Variants in DOCK9 observed in about 807,000 individuals in gnomAD.
DOCK9 encodes the protein dedicator of cytokinesis 9.
A neutral mutation model predicts 263.3 loss-of-function variants in DOCK9; 89 were observed. That is an observed-to-expected ratio of 0.34 (90% CI 0.28 to 0.40). The LOEUF is 0.40. DOCK9 is among the 10% of genes least tolerant of loss of function. The pLI is 1.00. For synonymous variants in DOCK9, 976 were observed against 973.1 expected (o/e 1.00, Z -0.06); for missense variants, 2,140 against 2,603.4 (o/e 0.82, Z 3.87).
chr13:99,026,218 C>T (rs1225327111), intron 1 of DOCK9, among the ~76,000 whole-genome samples: 1 of 152,022 alleles, frequency 6.6e-6, no homozygotes, highest in Admixed American at 6.6e-5. Flanking sequence ...GATGGATGCA[C>T]AACTCTGAAT....
At chr13:98,839,229 C>T (rs113498678) in intron 38 of DOCK9, among the ~76,000 whole-genome samples, 5,964 of 152,268 alleles carry the variant, frequency 0.039, 362 homozygotes, top group African/African-American at 0.13. Flanking sequence ...TAACACATCT[C>T]GCACCATGCT....
At chr13:98,888,811 A>C (rs374131311) in intron 15 of DOCK9, 100 bp from the exon 16 acceptor site, 2 of 1,042,548 alleles carry the variant, frequency 1.9e-6, no homozygotes. Flanking sequence ...CAAGCCATAA[A>C]GACAATTTTA....
chr13:98,844,365 T>TA (rs1383325372), intron 38 of DOCK9, among the ~76,000 whole-genome samples: 1 of 138,742 alleles, frequency 7.2e-6, no homozygotes, highest in Non-Finnish European at 1.6e-5. Flanking sequence ...ATTTTTTATT[T>TA]TTTTTATTTT....
intron 1 of DOCK9, chr13:99,015,810 TAA>T: frequency 7.8e-7 from 1 of 1,277,968 alleles, no homozygotes; most frequent in East Asian, 3.0e-5. Context: ...ACTCCGAGTG[TAA>T]AACAGGAGGG....
In DOCK9 at chr13:98,880,635, T is replaced by A; in HGVS notation, c.2783A>T (p.Tyr928Phe). 6.2e-7 allele frequency: 1 copy of A among 1,613,906 alleles called. No individual in the cohort carries two copies. The highest frequency in any genetic ancestry group is 8.5e-7 in the Non-Finnish European group (1 of 1,179,854). ...GGTCAGTTCTTCATGCACTGTCTTG[T>A]ATTCAGAGGCAACATATGGCTCAGC... ...YKAEPYVASE[Y>F]KTVHEELTKS... The change falls in exon 26 of 53, where the codon TAC (tyrosine) becomes TTC (phenylalanine). Residue 928 changes from tyrosine to phenylalanine, a missense_variant. Tyr to Phe is a conservative substitution (Grantham distance 22, BLOSUM62 3). This residue lies in a region of DOCK9 where 1,521 missense variants were observed against 1,741.7 expected (regional missense o/e 0.87). Transcript: ENST00000682017.
At chr13:98,962,073 C>A (rs2058696470) in intron 1 of DOCK9, among the ~76,000 whole-genome samples, 1 of 152,142 alleles carries the variant, frequency 6.6e-6, no homozygotes, top group Admixed American at 6.5e-5. Context: ...CTTTTCTAAA[C>A]TCTCAATAAT....
chr13:98,877,362 T>A (rs1387677392), intron 27 of DOCK9, among the ~76,000 whole-genome samples: 2 of 152,250 alleles, frequency 1.3e-5, no homozygotes, highest in Non-Finnish European at 2.9e-5. Flanking sequence ...ACTTATTTTC[T>A]AATGCAATTC....
At chr13:99,023,223 A>G (rs1465647933) in intron 1 of DOCK9, among the ~76,000 whole-genome samples, 1 of 152,260 alleles carries the variant, frequency 6.6e-6, no homozygotes, top group Non-Finnish European at 1.5e-5. Flanking sequence ...AAGGGGCGAA[A>G]GCAACTGAAG....
intron 38 of DOCK9, among the ~76,000 whole-genome samples, chr13:98,839,417 T>C (rs931816538): frequency 3.3e-5 from 5 of 152,340 alleles, no homozygotes; most frequent in Middle Eastern, 3.4e-3. Context: ...AACAGGTCGA[T>C]GATGACTGTT....
At chr13:98,966,315 G>C (rs1344476067) in intron 1 of DOCK9, among the ~76,000 whole-genome samples, 1 of 152,232 alleles carries the variant, frequency 6.6e-6, no homozygotes, top group African/African-American at 2.4e-5. Flanking sequence ...AGGGTAAAAG[G>C]GGAACACAGC....
chr13:98,997,910 C>T (rs1261102463), intron 1 of DOCK9, among the ~76,000 whole-genome samples: 1 of 152,208 alleles, frequency 6.6e-6, no homozygotes, highest in Non-Finnish European at 1.5e-5. Flanking sequence ...CCACCCTTGA[C>T]CAACACAGCA....
At chr13:98,906,359 G>A (rs1566928339) in intron 9 of DOCK9, among the ~76,000 whole-genome samples, 1 of 152,148 alleles carries the variant, frequency 6.6e-6, no homozygotes. Context: ...GGCTGGAGAT[G>A]AAGGATTTGG....
At position 98,794,734 on chromosome 13, in the gene DOCK9, C is replaced by T. The variant is rs1265508916; in HGVS notation, c.6171G>A (p.Glu2057=). The T allele has an allele frequency of 6.2e-7, 1 of 1,613,974 alleles. No individual in the cohort carries two copies. Among genetic ancestry groups the T allele is most frequent in the South Asian group, 1.1e-5 (1 of 91,066 alleles). ...AATTCGGTAAGACGCTCGTCTTCTC[C>T]TCCAGGGGGCAGATCTTGAGGACAG... ...EIMHEQICPL[E]EKTSVLPNSL... The change falls in exon 53 of 53, where the codon GAG becomes GAA. Residue 2057 remains glutamate (E), a synonymous_variant. Transcript: ENST00000682017.
intron 30 of DOCK9, among the ~76,000 whole-genome samples, chr13:98,866,250 T>C (rs2094019806): frequency 6.6e-6 from 1 of 152,180 alleles, no homozygotes; most frequent in Admixed American, 6.5e-5. Flanking sequence ...CAGGTGTATG[T>C]AGAATAGCCG....
chr13:98,823,599 C>G (rs573687789), intron 45 of DOCK9, among the ~76,000 whole-genome samples: 4 of 152,206 alleles, frequency 2.6e-5, no homozygotes, highest in Non-Finnish European at 5.9e-5. Context: ...AAAAAGCTTT[C>G]CCTCAGCTGT....
chr13:98,917,631 T>C (rs2051098674), intron 7 of DOCK9, among the ~76,000 whole-genome samples: 1 of 121,700 alleles, frequency 8.2e-6, no homozygotes, highest in Non-Finnish European at 1.7e-5. Context: ...TCATGTATTT[T>C]ACCTTTTTTT....
intron 30 of DOCK9, 140 bp from the exon 31 acceptor site, chr13:98,863,688 G>A (rs2093940678): frequency 1.2e-6 from 1 of 841,134 alleles, no homozygotes. Flanking sequence ...GATCAGACTT[G>A]GCTTCAAATG....
intron 2 of DOCK9, among the ~76,000 whole-genome samples, chr13:98,940,351 G>A (rs1013239787): frequency 1.3e-5 from 2 of 152,212 alleles, no homozygotes; most frequent in African/African-American, 4.8e-5. Flanking sequence ...GGGATTTAAT[G>A]AAAGCCAATT....
chr13:98,864,657 T>C (rs562666337), intron 30 of DOCK9, among the ~76,000 whole-genome samples: 5 of 152,256 alleles, frequency 3.3e-5, no homozygotes, highest in African/African-American at 1.2e-4. Flanking sequence ...TAACTGGGAG[T>C]GTGCTCACAC....
Sources: gnomAD v4.1 joint callset for allele counts (sites outside exome capture counted in the v4.1 genomes callset) on GRCh38, gnomAD v4.1.1 for gene constraint, gnomAD v4.1.1 regional missense constraint, MANE v1.5 for transcripts, NCBI Gene and HGNC (gene_info 2026-07-23, HGNC 2026-07-21) for gene names.